CNTN5: variants seen among roughly 807,000 people sequenced by gnomAD.
CNTN5 encodes the protein contactin-5.
CNTN5 carries 77 observed loss-of-function variants against 129.1 expected under a neutral mutation model. The observed-to-expected ratio is 0.60, with a 90% CI of 0.50 to 0.72. The LOEUF (loss-of-function observed/expected upper bound fraction) is 0.72, where lower values mean the gene tolerates loss of function less well. Ranked by LOEUF, CNTN5 falls within the 30% of genes least tolerant of loss-of-function variation. CNTN5 has a pLI of 0.00. For synonymous variants in CNTN5, 509 were observed against 465.6 expected (o/e 1.09, Z -1.20); for missense variants, 1,478 against 1,328.8 (o/e 1.11, Z -1.75).
chr11:99,908,263 A>G (rs1158674097), intron 6 of CNTN5, among the ~76,000 whole-genome samples: 1 of 151,978 alleles, frequency 6.6e-6, no homozygotes, highest in Non-Finnish European at 1.5e-5. Context: ...ATATAAGGAA[A>G]TATTATGAAA....
chr11:99,783,744 C>A (rs1234427298), intron 3 of CNTN5, among the ~76,000 whole-genome samples: 1 of 149,674 alleles, frequency 6.7e-6, no homozygotes, highest in East Asian at 2.0e-4. Flanking sequence ...ACCGCATATT[C>A]TCACTCATAG....
At chr11:100,208,435 G>A (rs1234389702) in intron 15 of CNTN5, among the ~76,000 whole-genome samples, 1 of 152,224 alleles carries the variant, frequency 6.6e-6, no homozygotes, top group African/African-American at 2.4e-5. Context: ...CATCCACCAG[G>A]CTAGCCCAGG....
At chr11:99,819,461 G>A (rs756168987) in intron 3 of CNTN5, 83 bp from the exon 4 acceptor site, 44 of 1,221,002 alleles carry the variant, frequency 3.6e-5, no homozygotes, top group South Asian at 1.8e-4. Flanking sequence ...TTTTAGTAAT[G>A]TCTTCAAAGA....
chr11:100,133,178 A>G (rs1256325686), intron 13 of CNTN5, among the ~76,000 whole-genome samples: 1 of 152,144 alleles, frequency 6.6e-6, no homozygotes, highest in East Asian at 1.9e-4. Flanking sequence ...AATGACATTA[A>G]TGATGAATAG....
intron 1 of CNTN5, among the ~76,000 whole-genome samples, chr11:99,257,492 A>G (rs1204171088): frequency 6.6e-6 from 1 of 152,068 alleles, no homozygotes; most frequent in Non-Finnish European, 1.5e-5. Flanking sequence ...TGATGAGAAC[A>G]CTTCATAGTG....
chr11:99,883,421 A>G (rs1692070688), intron 6 of CNTN5, among the ~76,000 whole-genome samples: 1 of 152,140 alleles, frequency 6.6e-6, no homozygotes, highest in African/African-American at 2.4e-5. Flanking sequence ...AACAGGGGTG[A>G]GATGATATCT....
chr11:99,889,334 G>GTT (rs1341587195), intron 6 of CNTN5, among the ~76,000 whole-genome samples: 10 of 24,840 alleles, frequency 4.0e-4, no homozygotes, highest in African/African-American at 1.1e-3. Context: ...GTGTGTGTGT[G>GTT]TGTGTGTGTG....
chr11:99,452,372 G>GT (rs71463577), intron 2 of CNTN5, among the ~76,000 whole-genome samples: 2,052 of 104,336 alleles, frequency 0.02, 72 homozygotes, highest in African/African-American at 0.047. Flanking sequence ...AAACACAGGT[G>GT]TTTTTTTTTT....
chr11:99,990,763 T>G (rs1445818389), intron 8 of CNTN5, among the ~76,000 whole-genome samples: 1 of 152,204 alleles, frequency 6.6e-6, no homozygotes, highest in African/African-American at 2.4e-5. Context: ...TGTTTCTAAA[T>G]GATTAGAATT....
chr11:100,141,729 G>A (rs973871139), intron 13 of CNTN5, among the ~76,000 whole-genome samples: 2 of 152,126 alleles, frequency 1.3e-5, no homozygotes, highest in African/African-American at 4.8e-5. Context: ...GGTTATTCAA[G>A]TGATTTAACT....
intron 6 of CNTN5, among the ~76,000 whole-genome samples, chr11:99,904,380 G>C (rs11221834): frequency 6.6e-6 from 1 of 151,584 alleles, no homozygotes; most frequent in Admixed American, 6.6e-5. Context: ...TTACGAGTGA[G>C]AACCTGTGGT....
At chr11:99,176,900 A>G (rs34025212) in intron 1 of CNTN5, among the ~76,000 whole-genome samples, 15,115 of 151,908 alleles carry the variant, frequency 0.1, 1,312 homozygotes, top group East Asian at 0.4. Context: ...CAGAGTCTAA[A>G]CTCTCACAAT....
At chr11:99,407,555 C>A (rs1377783760) in intron 2 of CNTN5, among the ~76,000 whole-genome samples, 2 of 152,102 alleles carry the variant, frequency 1.3e-5, no homozygotes, top group Non-Finnish European at 2.9e-5. Context: ...CCTTAGCCAT[C>A]CCAGCTGGTG....
At chr11:99,525,131 G>A (rs1947436132) in intron 2 of CNTN5, among the ~76,000 whole-genome samples, 1 of 147,146 alleles carries the variant, frequency 6.8e-6, no homozygotes, top group Non-Finnish European at 1.5e-5. Flanking sequence ...ACCATGAAAA[G>A]CCAATTTAAA....
At chr11:99,580,927 G>C (rs530357060) in intron 3 of CNTN5, among the ~76,000 whole-genome samples, 2 of 144,656 alleles carry the variant, frequency 1.4e-5, no homozygotes, top group African/African-American at 5.2e-5. Flanking sequence ...TGATGTTAGG[G>C]TGTCAATTTT....
At chr11:99,115,368 TATA>T (rs1322666211) in intron 1 of CNTN5, among the ~76,000 whole-genome samples, 3 of 152,240 alleles carry the variant, frequency 2.0e-5, no homozygotes, top group Non-Finnish European at 4.4e-5. Context: ...ACATAATGCT[TATA>T]ATATCTTACA....
chr11:99,381,155 C>T (rs1940533493), intron 2 of CNTN5, among the ~76,000 whole-genome samples: 1 of 8,876 alleles, frequency 1.1e-4, no homozygotes, highest in Non-Finnish European at 2.1e-4. Flanking sequence ...TGAGCTAAGC[C>T]TAGGGAAAAA....
At chr11:99,119,799 C>G (rs1858219898) in intron 1 of CNTN5, among the ~76,000 whole-genome samples, 1 of 151,946 alleles carries the variant, frequency 6.6e-6, no homozygotes, top group Non-Finnish European at 1.5e-5. Context: ...CCAGCACCTG[C>G]TATTTTTTGA....
chr11:99,836,712 C>A (rs547936827), intron 4 of CNTN5, among the ~76,000 whole-genome samples: 1 of 152,128 alleles, frequency 6.6e-6, no homozygotes, highest in African/African-American at 2.4e-5. Flanking sequence ...CTTGAGGAAT[C>A]GCCACACTGT....
Sources: allele counts gnomAD v4.1 joint callset (sites outside exome capture counted in the v4.1 genomes callset), GRCh38; gene constraint gnomAD v4.1.1; transcripts MANE v1.5; gene names NCBI Gene and HGNC (gene_info 2026-07-23, HGNC 2026-07-21).